Variants in LINGO2 observed in about 807,000 individuals in gnomAD.
LINGO2 encodes leucine-rich repeat and immunoglobulin-like domain-containing nogo receptor-interacting protein 2.
Under a neutral mutation model 30.6 loss-of-function variants are expected in LINGO2, and 14 were observed. That is an observed-to-expected ratio of 0.46 (90% CI 0.30 to 0.72). LINGO2 has a LOEUF of 0.72. Ranked by LOEUF, LINGO2 falls within the 30% of genes least tolerant of loss-of-function variation. The probability of loss-of-function intolerance (pLI) is 0.07; values close to 1 mark genes in which losing one functional copy is unlikely to be tolerated. For missense variants in LINGO2, 729 were observed against 751.7 expected (o/e 0.97, Z 0.35); for synonymous variants, 317 against 288.5 (o/e 1.10, Z -1.00).
chr9:28,353,668 A>G (rs984272887), intron 3 of LINGO2, among the ~76,000 whole-genome samples: 1 of 152,180 alleles, frequency 6.6e-6, no homozygotes, highest in Non-Finnish European at 1.5e-5. Context: ...TACCCAGAGG[A>G]CTATAAATCA....
chr9:28,750,539 C>T, the LINGO2 span, among the ~76,000 whole-genome samples: 3 of 152,078 alleles, frequency 2.0e-5, no homozygotes. Flanking sequence ...TTCAGAACTG[C>T]TTTACCACTT....
chr9:28,801,961 C>A, the LINGO2 span, among the ~76,000 whole-genome samples: 1 of 151,824 alleles, frequency 6.6e-6, no homozygotes, highest in Non-Finnish European at 1.5e-5. Context: ...GAAACACTGT[C>A]AAATTAAATG....
chr9:29,116,259 A>C, the LINGO2 span, among the ~76,000 whole-genome samples: 2 of 152,050 alleles, frequency 1.3e-5, no homozygotes, highest in South Asian at 4.1e-4. Context: ...CAAAATATCT[A>C]AGGGTTGACT....
intron 4 of LINGO2, among the ~76,000 whole-genome samples, chr9:28,254,717 T>A (rs966644722): frequency 3.3e-5 from 5 of 152,104 alleles, no homozygotes; most frequent in African/African-American, 1.2e-4. Flanking sequence ...CAGAAGGCTC[T>A]CACTCAAACA....
chr9:28,628,111 G>A (rs1379101305), intron 1 of LINGO2, among the ~76,000 whole-genome samples: 2 of 152,066 alleles, frequency 1.3e-5, no homozygotes, highest in African/African-American at 2.4e-5. Context: ...AAAAAAGAAC[G>A]TTGTCTTCAA....
chr9:28,726,987 A>C, the LINGO2 span, among the ~76,000 whole-genome samples: 1 of 152,056 alleles, frequency 6.6e-6, no homozygotes, highest in Non-Finnish European at 1.5e-5. Flanking sequence ...GGAGGAGAGG[A>C]GAGTGAGCAT....
the LINGO2 span, among the ~76,000 whole-genome samples, chr9:28,912,934 CTT>C: frequency 6.6e-6 from 1 of 152,108 alleles, no homozygotes; most frequent in Non-Finnish European, 1.5e-5. Context: ...ATGTGTGTGA[CTT>C]TTAATTGTTG....
chr9:28,271,967 A>G (rs891229002), intron 4 of LINGO2, among the ~76,000 whole-genome samples: 2 of 152,192 alleles, frequency 1.3e-5, no homozygotes, highest in Admixed American at 6.5e-5. Flanking sequence ...CATGTCTCCA[A>G]AACACCTCAT....
the LINGO2 span, among the ~76,000 whole-genome samples, chr9:28,940,424 C>G: frequency 1.3e-5 from 2 of 152,024 alleles, no homozygotes; most frequent in Non-Finnish European, 1.5e-5. Flanking sequence ...GAGCACTGTT[C>G]TTTGAATCTC....
At chr9:29,185,479 AC>A in the LINGO2 span, among the ~76,000 whole-genome samples, 1 of 152,116 alleles carries the variant, frequency 6.6e-6, no homozygotes, top group African/African-American at 2.4e-5. Flanking sequence ...AATATACACA[AC>A]CCCATGGGAT....
At chr9:28,885,013 TA>T in the LINGO2 span, among the ~76,000 whole-genome samples, 1 of 98,342 alleles carries the variant, frequency 1.0e-5, no homozygotes, top group Non-Finnish European at 2.1e-5. Context: ...TATATATATA[TA>T]TATATATATG....
chr9:28,644,670 T>A (rs1305120909), intron 1 of LINGO2, among the ~76,000 whole-genome samples: 1 of 151,912 alleles, frequency 6.6e-6, no homozygotes, highest in East Asian at 1.9e-4. Flanking sequence ...TTGTTCTTTT[T>A]AAATAAGTAA....
At chr9:29,178,430 T>C in the LINGO2 span, among the ~76,000 whole-genome samples, 1 of 152,180 alleles carries the variant, frequency 6.6e-6, no homozygotes, top group Non-Finnish European at 1.5e-5. Context: ...TATTTGCTCA[T>C]TCAATCAATT....
At chr9:29,013,572 A>G in the LINGO2 span, among the ~76,000 whole-genome samples, 1 of 152,152 alleles carries the variant, frequency 6.6e-6, no homozygotes, top group Non-Finnish European at 1.5e-5. Context: ...ATGCCTTTGA[A>G]ACATAATACT....
At chr9:28,587,795 A>G (rs1824638957) in intron 1 of LINGO2, among the ~76,000 whole-genome samples, 1 of 151,926 alleles carries the variant, frequency 6.6e-6, no homozygotes, top group African/African-American at 2.4e-5. Context: ...AGTTACATAC[A>G]CCACATGTGG....
intron 5 of LINGO2, among the ~76,000 whole-genome samples, chr9:27,989,260 C>A (rs1267799470): frequency 6.6e-6 from 1 of 151,902 alleles, no homozygotes; most frequent in East Asian, 1.9e-4. Context: ...TATTATTATT[C>A]AAAGCCTCTG....
chr9:28,301,363 T>TAA (rs61526992), intron 3 of LINGO2, among the ~76,000 whole-genome samples: 5 of 139,410 alleles, frequency 3.6e-5, no homozygotes, highest in African/African-American at 2.6e-5. Flanking sequence ...CATGACAAGT[T>TAA]AAAAAAAAAA....
chr9:28,598,154 T>C (rs1825280469), intron 1 of LINGO2, among the ~76,000 whole-genome samples: 2 of 152,272 alleles, frequency 1.3e-5, no homozygotes, highest in East Asian at 3.9e-4. Flanking sequence ...CAGAACTTCT[T>C]TGAGAGTTAT....
chr9:28,141,852 C>A (rs915145490), intron 4 of LINGO2, among the ~76,000 whole-genome samples: 2 of 152,144 alleles, frequency 1.3e-5, no homozygotes, highest in Non-Finnish European at 2.9e-5. Context: ...GCGGAGGGTG[C>A]AGTGAGCCGA....
Sources: gnomAD v4.1 joint callset for allele counts (sites outside exome capture counted in the v4.1 genomes callset) on GRCh38, gnomAD v4.1.1 for gene constraint, MANE v1.5 for transcripts, NCBI Gene and HGNC (gene_info 2026-07-23, HGNC 2026-07-21) for gene names.